The following CLHC1 variants were observed in gnomAD, a reference collection of about 807,000 sequenced individuals.
CLHC1 encodes clathrin heavy chain linker domain containing 1, also known as clathrin heavy chain linker domain-containing protein 1.
Under a neutral mutation model 69.5 loss-of-function variants are expected in CLHC1, and 72 were observed. The ratio of observed to expected loss-of-function variants is 1.04; its 90% CI spans 0.86 to 1.26. The LOEUF (loss-of-function observed/expected upper bound fraction) is 1.26, where lower values mean the gene tolerates loss of function less well. Among genes scored for constraint, CLHC1 ranks in the 50% most tolerant of loss-of-function variants. CLHC1 has a pLI of 0.00. For synonymous variants in CLHC1, 223 were observed against 224.3 expected (o/e 0.99, Z 0.05); for missense variants, 790 against 679.3 (o/e 1.16, Z -1.81).
At chr2:55,230,033 T>C (rs1436670570) in intron 1 of CLHC1, among the ~76,000 whole-genome samples, 3 of 152,144 alleles carry the variant, frequency 2.0e-5, no homozygotes, top group Non-Finnish European at 4.4e-5. Flanking sequence ...GATTGTGCCA[T>C]TGCACTCCAG....
intron 9 of CLHC1, among the ~76,000 whole-genome samples, chr2:55,190,508 C>T (rs1025532976): frequency 4.6e-5 from 7 of 151,868 alleles, no homozygotes; most frequent in African/African-American, 9.7e-5. Context: ...TTCACACTTA[C>T]GAGGGAGAGG....
chr2:55,211,360 G>A (rs1672984422), intron 5 of CLHC1, among the ~76,000 whole-genome samples: 1 of 151,828 alleles, frequency 6.6e-6, no homozygotes, highest in Non-Finnish European at 1.5e-5. Context: ...AAATTAGCCG[G>A]GCGTGGTGGC....
Position 55,208,710 on chromosome 2 carries a change from C to G in CLHC1, c.815G>C (p.Gly272Ala), listed in dbSNP as rs1234434704. Residue 272 changes from glycine to alanine, a missense_variant and splice_region_variant, in exon 8 of 13, where the codon GGT (glycine) becomes GCT (alanine). Coordinates refer to ENST00000401408, the MANE Select transcript of CLHC1 (RefSeq NM_152385.4). ...TAGTTCTTCAACAATGCCTTGGTCA[C>G]CTGTAAATATTGAAAGTACTACTGG... Reference protein sequence around the residue: ...EQIQKTKYLQGDQGIVEELME... With the variant: ...EQIQKTKYLQADQGIVEELME... The G allele has an allele frequency of 1.2e-6, 2 of 1,600,422 alleles. No homozygotes were observed. The highest frequency in any genetic ancestry group is 2.7e-5 in the African/African-American group (2 of 74,612).
At chr2:55,211,811 T>A (rs1673038828) in intron 5 of CLHC1, among the ~76,000 whole-genome samples, 1 of 152,228 alleles carries the variant, frequency 6.6e-6, no homozygotes, top group African/African-American at 2.4e-5. Context: ...ATATCCTAGA[T>A]GAATTCCAGG....
intron 9 of CLHC1, among the ~76,000 whole-genome samples, chr2:55,186,822 T>C (rs907237082): frequency 1.3e-5 from 2 of 152,034 alleles, no homozygotes; most frequent in Admixed American, 1.3e-4. Flanking sequence ...AAGGTAGAAA[T>C]GGAAGCCATA....
intron 12 of CLHC1, among the ~76,000 whole-genome samples, chr2:55,176,402 G>T (rs994771391): frequency 6.6e-6 from 1 of 152,192 alleles, no homozygotes; most frequent in Non-Finnish European, 1.5e-5. Context: ...AAGTTTTCAT[G>T]ATTTCAAACA....
chr2:55,191,147 G>A (rs766657799), intron 9 of CLHC1, among the ~76,000 whole-genome samples: 1 of 152,170 alleles, frequency 6.6e-6, no homozygotes, highest in East Asian at 1.9e-4. Flanking sequence ...AAGGTAAAAT[G>A]TAGAATTTAA....
chr2:55,184,105 T>TCTTTC (rs140530992), intron 9 of CLHC1, among the ~76,000 whole-genome samples: 5 of 139,988 alleles, frequency 3.6e-5, no homozygotes, highest in Admixed American at 7.1e-5. Flanking sequence ...TTTCTTTCTT[T>TCTTTC]ATTTTTTTTT....
Position 55,222,164 on chromosome 2 carries a change from G to A in CLHC1, c.177+71C>T. 2.9e-6 allele frequency: 3 copies of A among 1,043,640 alleles called. No individual in the cohort carries two copies. In the South Asian group the frequency reaches 4.2e-5, roughly 14 times the overall value. The allele number at this position is 1,043,640 out of a possible 1,614,324, so 64.6% of individuals were successfully genotyped here. ...TCAAACAGTGGTGTTACTAAGGCAG[G>A]AATATTGGTTGTCAACATAGATCAT... On this transcript the variant is annotated intron_variant, in intron 3 of 12. Coordinates refer to ENST00000401408, the MANE Select transcript of CLHC1 (RefSeq NM_152385.4).
At chr2:55,212,453 G>A (rs1673097182) in intron 5 of CLHC1, among the ~76,000 whole-genome samples, 1 of 152,154 alleles carries the variant, frequency 6.6e-6, no homozygotes, top group Non-Finnish European at 1.5e-5. Context: ...AGGAGCCACT[G>A]CATTACACTT....
intron 1 of CLHC1, among the ~76,000 whole-genome samples, chr2:55,229,725 G>A (rs576503253): frequency 3.3e-5 from 5 of 152,304 alleles, no homozygotes; most frequent in South Asian, 4.1e-4. Flanking sequence ...AGTGAGATTC[G>A]AAGCCTTTAG....
chr2:55,208,802 T>A (rs1672688222), intron 7 of CLHC1, 92 bp from the exon 8 acceptor site: 1 of 801,158 alleles, frequency 1.2e-6, no homozygotes, highest in Admixed American at 2.0e-5. Context: ...CAACAGCTTA[T>A]TGCTATGGCT....
chr2:55,210,007 G>A (rs1672830368), intron 5 of CLHC1, among the ~76,000 whole-genome samples, 176 bp from the exon 6 acceptor site: 1 of 151,976 alleles, frequency 6.6e-6, no homozygotes, highest in South Asian at 2.1e-4. Context: ...ATGGCTAGCA[G>A]GTTATTTATT....
chr2:55,231,763 C>T (rs1035953826), intron 1 of CLHC1: 1 of 152,344 alleles, frequency 6.6e-6, no homozygotes, highest in South Asian at 2.1e-4. Flanking sequence ...AGATCCAAGA[C>T]TCCCAATGCC....
chr2:55,231,002 C>A (rs1161125571), intron 1 of CLHC1, among the ~76,000 whole-genome samples: 3 of 152,126 alleles, frequency 2.0e-5, no homozygotes, highest in Non-Finnish European at 2.9e-5. Context: ...GTAATCTCAC[C>A]ACTTTGGGAG....
At chr2:55,214,066 G>T (rs78084155) in intron 4 of CLHC1, among the ~76,000 whole-genome samples, 16 of 152,298 alleles carry the variant, frequency 1.1e-4, no homozygotes, top group African/African-American at 3.8e-4. Flanking sequence ...TGCTTCACAG[G>T]ATTCTTGCTA....
intron 3 of CLHC1, among the ~76,000 whole-genome samples, chr2:55,221,819 T>A (rs1318861901): frequency 1.3e-5 from 2 of 151,980 alleles, no homozygotes; most frequent in African/African-American, 4.8e-5. Context: ...CTACAAAAAA[T>A]TTTAAAAATT....
chr2:55,198,524 G>T (rs990136614), intron 9 of CLHC1, among the ~76,000 whole-genome samples: 2 of 152,128 alleles, frequency 1.3e-5, no homozygotes, highest in Non-Finnish European at 2.9e-5. Context: ...GGCAGAGGTT[G>T]CAGTGAGCCG....
At chr2:55,195,750 C>T (rs533310044) in intron 9 of CLHC1, among the ~76,000 whole-genome samples, 45 of 152,140 alleles carry the variant, frequency 3.0e-4, no homozygotes, top group Non-Finnish European at 5.1e-4. Flanking sequence ...TGCAGTGAGC[C>T]GTTGCACCAC....
Sources: gnomAD v4.1 joint callset for allele counts (sites outside exome capture counted in the v4.1 genomes callset) on GRCh38, gnomAD v4.1.1 for gene constraint, MANE v1.5 for transcripts, NCBI Gene and HGNC (gene_info 2026-07-23, HGNC 2026-07-21) for gene names.